LRRN4: variants seen among roughly 807,000 people sequenced by gnomAD.
LRRN4 encodes leucine-rich repeat neuronal protein 4.
LRRN4 carries 26 observed loss-of-function variants against 22.3 expected under a neutral mutation model. The observed-to-expected ratio is 1.16, with a 90% CI of 0.85 to 1.62. The LOEUF (loss-of-function observed/expected upper bound fraction) is 1.62. LRRN4 is among the 40% of genes most tolerant of loss of function. LRRN4 has a pLI of 0.00. For missense variants in LRRN4, 1,070 were observed against 1,008.5 expected (o/e 1.06, Z -0.83); for synonymous variants, 496 against 486.2 (o/e 1.02, Z -0.26).
chr20:6,052,064 A>T (rs1981259817), intron 2 of LRRN4, 81 bp downstream of exon 2: 2 of 1,471,686 alleles, frequency 1.4e-6, no homozygotes, highest in Admixed American at 4.7e-5. Flanking sequence ...TCGAGGAAGA[A>T]CGCAGCCCTG....
chr20:6,044,678 C>A lies in LRRN4; in HGVS notation c.863G>T (p.Cys288Phe). The change falls in exon 4 of 5, where the codon TGC becomes TTC. Residue 288 changes from cysteine to phenylalanine, a missense_variant and splice_region_variant. Coordinates refer to ENST00000378858, the MANE Select transcript of LRRN4 (RefSeq NM_152611.5). ...PHLQVLLFQNCNLSSFPPWTL... is the reference protein window; with the variant it reads ...PHLQVLLFQNFNLSSFPPWTL... ...CCAAGGAGGGAAGGAACTCAAGTTG[C>A]AGCTGAAATACAAACAAAAAAATTA... The A allele has an allele frequency of 6.5e-7, 1 of 1,534,264 alleles. No individual in the cohort carries two copies. Among genetic ancestry groups the A allele is most frequent in the Non-Finnish European group, 8.8e-7 (1 of 1,142,696 alleles).
In LRRN4 at chr20:6,040,938, C is replaced by T. The variant is rs1367278013; in HGVS notation, c.*84G>A. On this transcript the variant is annotated 3_prime_UTR_variant, in exon 5 of 5. Coordinates refer to ENST00000378858, the MANE Select transcript of LRRN4 (RefSeq NM_152611.5). ...TCACGGGAATTAGAAACCCTAGGAGCGGATGGGGTCGTTTTTGACCGTCTG... is the reference window on the plus strand; with the variant it reads ...TCACGGGAATTAGAAACCCTAGGAGTGGATGGGGTCGTTTTTGACCGTCTG... 4 of 1,554,214 alleles carry T rather than the reference C, an allele frequency of 2.6e-6. No homozygotes were observed. The highest frequency in any genetic ancestry group is 1.8e-5 in the Admixed American group (1 of 54,912).
chr20:6,050,495 A>G (rs1475330263), intron 3 of LRRN4, among the ~76,000 whole-genome samples: 1 of 152,328 alleles, frequency 6.6e-6, no homozygotes, highest in East Asian at 1.9e-4. Flanking sequence ...ACCTCTTCCC[A>G]CTGTAAATTT....
chr20:6,043,128 A>G (rs1159831481), intron 4 of LRRN4, among the ~76,000 whole-genome samples: 1 of 152,138 alleles, frequency 6.6e-6, no homozygotes, highest in Non-Finnish European at 1.5e-5. Context: ...TAGTAAGTAG[A>G]CCAGGTACAG....
chr20:6,046,355 G>T lies in LRRN4; in HGVS notation c.861-1675C>A, dbSNP rs1301772119. Reference sequence around the variant, plus strand: ...ATATAGGAGGAGCTGCAGTCATGTTGCAAAGAGTTGTGCCTACAGGGATGG... The same window carrying T: ...ATATAGGAGGAGCTGCAGTCATGTTTCAAAGAGTTGTGCCTACAGGGATGG... On this transcript the variant is annotated intron_variant, in intron 3 of 4. Coordinates refer to ENST00000378858, the MANE Select transcript of LRRN4 (RefSeq NM_152611.5). Among the ~76,000 whole-genome samples the T allele has an allele frequency of 2.7e-5, 4 of 148,328 alleles. No homozygotes were observed. In the South Asian group the frequency reaches 8.6e-4, roughly 32 times the overall value.
chr20:6,042,351 C>T (rs1980988721), intron 4 of LRRN4, 105 bp from the exon 5 acceptor site: 2 of 1,344,572 alleles, frequency 1.5e-6, no homozygotes, highest in Non-Finnish European at 2.0e-6. Flanking sequence ...AGCCCATCAA[C>T]GCGTCTCTGC....
rs1981267308 is a variant in LRRN4, at chr20:6,052,251, A to G, written c.549T>C (p.Gly183=). ...CGGCGATGCCCCCCTGGGCTCCGCGACCCAGCGCGGTGCAGGAGAGGTTGA... is the reference window on the plus strand; with the variant it reads ...CGGCGATGCCCCCCTGGGCTCCGCGGCCCAGCGCGGTGCAGGAGAGGTTGA... ...QLLNLSCTAL[G]RGAQGGIAEA... Residue 183 remains glycine, a synonymous_variant, in exon 2 of 5, where the codon GGT becomes GGC. Coordinates refer to ENST00000378858, the MANE Select transcript of LRRN4 (RefSeq NM_152611.5). 4 of 1,560,100 alleles carry G rather than the reference A, an allele frequency of 2.6e-6. No individual in the cohort carries two copies. In the Admixed American group the frequency reaches 5.7e-5, roughly 22 times the overall value.
At position 6,041,649 on chromosome 20, in the gene LRRN4, T is replaced by TTCC. The variant is rs771460453; in HGVS notation, c.1593_1595dup (p.Glu532dup). 2 of 1,607,524 alleles carry TTCC rather than the reference T, an allele frequency of 1.2e-6. No homozygotes were observed. On this transcript the variant is annotated inframe_insertion, in exon 5 of 5. Transcript: ENST00000378858. This position sits in a 1 kb window ranked among gnomAD's most constrained non-coding sequence, Gnocchi z 9.4. ...GCGTTCCCACCTCCTCCTTCCTCCC[T>TTCC]TCCTCCTCCTCACTGTAGTCGTCCA...
At position 6,052,500 on chromosome 20, in the gene LRRN4, C is replaced by T; in HGVS notation, c.300G>A (p.Gln100=). The change falls in exon 2 of 5, where the codon CAG becomes CAA. Residue 100 remains glutamine, a synonymous_variant. Transcript: ENST00000378858. ...LSTSELGHLE[Q]LQVLTLRHNR... ...TGTGGCGCAGGGTCAGCACCTGCAGCTGCTCCAGGTGGCCGAGCTCGGAAG... is the reference window on the plus strand; with the variant it reads ...TGTGGCGCAGGGTCAGCACCTGCAGTTGCTCCAGGTGGCCGAGCTCGGAAG... 1 of 1,580,248 alleles carries T rather than the reference C, an allele frequency of 6.3e-7. No homozygotes were observed. The highest frequency in any genetic ancestry group is 8.5e-7 in the Non-Finnish European group (1 of 1,171,688).
chr20:6,050,204 G>A (rs764245857), intron 3 of LRRN4, among the ~76,000 whole-genome samples: 7 of 152,196 alleles, frequency 4.6e-5, no homozygotes, highest in Non-Finnish European at 8.8e-5. Flanking sequence ...TCACAACATC[G>A]TGTGCTCAAT....
Position 6,042,237 on chromosome 20 carries a change from G to A in LRRN4, c.1008C>T (p.Asp336=), listed in dbSNP as rs1234196834. 6.2e-7 allele frequency: 1 copy of A among 1,609,952 alleles called. No homozygotes were observed. Among genetic ancestry groups the A allele is most frequent in the African/African-American group, 1.3e-5 (1 of 74,910 alleles). Residue 336 remains aspartate (D), a synonymous_variant, in exon 5 of 5, where the codon GAC becomes GAT. Coordinates refer to ENST00000378858, the MANE Select transcript of LRRN4 (RefSeq NM_152611.5). ...AKRTVLSRAA[D]TMCAPAAGSS... Reference sequence around the variant, plus strand: ...ATCCCGCAGCTGGCGCGCACATAGTGTCTGCTGCCCTGGAGGGGAGGCCAA... The same window carrying A: ...ATCCCGCAGCTGGCGCGCACATAGTATCTGCTGCCCTGGAGGGGAGGCCAA...
intron 2 of LRRN4, 97 bp from the exon 3 acceptor site, chr20:6,051,080 G>C: frequency 9.5e-7 from 1 of 1,048,840 alleles, no homozygotes; most frequent in Non-Finnish European, 1.5e-6. Flanking sequence ...AAGGTGAATG[G>C]TGAAGGTCAT....
At chr20:6,045,765 G>C (rs1472275653) in intron 3 of LRRN4, among the ~76,000 whole-genome samples, 1 of 149,148 alleles carries the variant, frequency 6.7e-6, no homozygotes, top group Non-Finnish European at 1.5e-5. Context: ...GGGGCCAGAT[G>C]ATCTGGGATG....
chr20:6,042,059 CGGG>C lies in LRRN4; in HGVS notation c.1183_1185del (p.Pro395del). On this transcript the variant is annotated inframe_deletion, in exon 5 of 5. Coordinates refer to ENST00000378858, the MANE Select transcript of LRRN4 (RefSeq NM_152611.5). ...TGCTGGTCTCCCGCAGGCCGGGTGG[CGGG>C]GGCTGCGCTGGGCGCGACGGTGGTA... 1 of 1,613,916 alleles carries C rather than the reference CGGG, an allele frequency of 6.2e-7. No individual in the cohort carries two copies. The highest frequency in any genetic ancestry group is 8.5e-7 in the Non-Finnish European group (1 of 1,179,918).
Position 6,052,680 on chromosome 20 carries a change from G to A in LRRN4, c.120C>T (p.Gly40=), listed in dbSNP as rs1981292333. 2 of 1,575,946 alleles carry A rather than the reference G, an allele frequency of 1.3e-6. No homozygotes were observed. The highest frequency in any genetic ancestry group is 1.7e-6 in the Non-Finnish European group (2 of 1,168,682). Residue 40 remains glycine, a synonymous_variant, in exon 2 of 5, where the codon GGC becomes GGT. Transcript: ENST00000378858. ...CGCAGGGCGAGTCGGTGGCGTTGCTGCCACTGCTCCCCCAGGGGCCCTGCT... is the reference window on the plus strand; with the variant it reads ...CGCAGGGCGAGTCGGTGGCGTTGCTACCACTGCTCCCCCAGGGGCCCTGCT... ...VTQQGPWGSS[G]SNATDSPCEG...
chr20:6,041,232 G>C lies in LRRN4; in HGVS notation c.2013C>G (p.Cys671Trp), dbSNP rs1464669503. The C allele has an allele frequency of 1.9e-6, 3 of 1,581,276 alleles. No individual in the cohort carries two copies. The highest frequency in any genetic ancestry group is 2.6e-6 in the Non-Finnish European group (3 of 1,163,238). Reference protein sequence around the residue: ...QPRSSGWRSPCAAFTTKPSFA... With the variant: ...QPRSSGWRSPWAAFTTKPSFA... ...AGCTGGGCTTGGTGGTGAAGGCGGCGCACGGGCTCCTCCAGCCCGAAGACC... is the reference window on the plus strand; with the variant it reads ...AGCTGGGCTTGGTGGTGAAGGCGGCCCACGGGCTCCTCCAGCCCGAAGACC... The change falls in exon 5 of 5, where the codon TGC (cysteine) becomes TGG (tryptophan). Residue 671 changes from cysteine (C) to tryptophan (W), a missense_variant. By Grantham distance (215) the Cys-to-Trp change is radical (BLOSUM62 -2). Coordinates refer to ENST00000378858, the MANE Select transcript of LRRN4 (RefSeq NM_152611.5). This position sits in a 1 kb window ranked among gnomAD's most constrained non-coding sequence, Gnocchi z 9.4.
Position 6,044,315 on chromosome 20 carries a change from C to T in LRRN4, c.998+228G>A, listed in dbSNP as rs189668185. 5.1e-3 allele frequency among the ~76,000 whole-genome samples: 776 copies of T among 152,322 alleles called. 10 individuals are homozygous for T. The highest frequency in any genetic ancestry group is 0.017 in the African/African-American group (716 of 41,560). On this transcript the variant is annotated intron_variant, in intron 4 of 4. Coordinates refer to ENST00000378858, the MANE Select transcript of LRRN4 (RefSeq NM_152611.5). ...AGTAACACCTCCCAGCCTGGCTCACCAAAAGCCTCCAGGTCTGCTCCTCCA... is the reference window on the plus strand; with the variant it reads ...AGTAACACCTCCCAGCCTGGCTCACTAAAAGCCTCCAGGTCTGCTCCTCCA...
chr20:6,047,425 T>TACACACTC (rs1160176493), intron 3 of LRRN4, among the ~76,000 whole-genome samples: 61 of 128,476 alleles, frequency 4.7e-4, no homozygotes, highest in African/African-American at 9.0e-4. Context: ...CAGACACACA[T>TACACACTC]ACACACACAC....
At chr20:6,047,425 TACACACACACACAC>T (rs57188958) in intron 3 of LRRN4, among the ~76,000 whole-genome samples, 13 of 128,478 alleles carry the variant, frequency 1.0e-4, no homozygotes, top group Admixed American at 3.1e-4. Context: ...CAGACACACA[TACACACACACACAC>T]ACACACACAC....
Sources: allele counts gnomAD v4.1 joint callset (sites outside exome capture counted in the v4.1 genomes callset), GRCh38; gene constraint gnomAD v4.1.1; non-coding constraint Gnocchi (gnomAD v3.1); transcripts MANE v1.5; gene names NCBI Gene and HGNC (gene_info 2026-07-23, HGNC 2026-07-21).